PAWR: variants seen among roughly 807,000 people sequenced by gnomAD.
PAWR encodes pro-apoptotic WT1 regulator.
A neutral mutation model predicts 32.0 loss-of-function variants in PAWR; 23 were observed. The ratio of observed to expected loss-of-function variants is 0.72; its 90% CI spans 0.52 to 1.02. The LOEUF (loss-of-function observed/expected upper bound fraction) is 1.02, where lower values mean the gene tolerates loss of function less well. PAWR is among the 50% of genes least tolerant of loss of function. PAWR has a pLI of 0.00. For synonymous variants in PAWR, 226 were observed against 187.1 expected (o/e 1.21, Z -1.70); for missense variants, 457 against 437.7 (o/e 1.04, Z -0.39).
chr12:79,671,955 C>T (rs143234862), intron 2 of PAWR, among the ~76,000 whole-genome samples: 6 of 152,264 alleles, frequency 3.9e-5, no homozygotes, highest in African/African-American at 9.6e-5. Flanking sequence ...TTTTACTGCA[C>T]GAATAGCAGT....
intron 2 of PAWR, among the ~76,000 whole-genome samples, chr12:79,662,120 G>A (rs1055740607): frequency 4.7e-5 from 7 of 147,908 alleles, no homozygotes; most frequent in Non-Finnish European, 7.4e-5. Context: ...TGTGGTCACA[G>A]CTACTTCAGA....
intron 2 of PAWR, among the ~76,000 whole-genome samples, chr12:79,681,205 T>C (rs1041903309): frequency 2.6e-5 from 4 of 151,892 alleles, no homozygotes; most frequent in Non-Finnish European, 5.9e-5. Flanking sequence ...AGACTATTTA[T>C]GGGCTAATCA....
chr12:79,625,042 T>G (rs990896678), intron 2 of PAWR, among the ~76,000 whole-genome samples: 1 of 152,132 alleles, frequency 6.6e-6, no homozygotes, highest in Admixed American at 6.5e-5. Flanking sequence ...TCCTTCAGTA[T>G]GACATTACCT....
At chr12:79,635,901 G>T (rs371620707) in intron 2 of PAWR, among the ~76,000 whole-genome samples, 18 of 152,182 alleles carry the variant, frequency 1.2e-4, no homozygotes, top group Middle Eastern at 6.8e-3. Flanking sequence ...ATAAATGTTT[G>T]CTGAACTAAA....
intron 2 of PAWR, among the ~76,000 whole-genome samples, chr12:79,684,478 G>T (rs920656930): frequency 6.6e-6 from 1 of 151,998 alleles, no homozygotes; most frequent in Non-Finnish European, 1.5e-5. Flanking sequence ...AGGCATGGTG[G>T]TGCACACCTG....
chr12:79,649,366 T>C (rs1310093327), intron 2 of PAWR, among the ~76,000 whole-genome samples: 2 of 152,154 alleles, frequency 1.3e-5, no homozygotes, highest in Non-Finnish European at 2.9e-5. Context: ...TTATATATAA[T>C]ATACCATAGG....
At position 79,690,202 on chromosome 12, in the gene PAWR, TGCC is replaced by T; in HGVS notation, c.40_42del (p.Gly14del). The T allele has an allele frequency of 2.0e-6, 3 of 1,531,288 alleles. No individual in the cohort carries two copies. Among genetic ancestry groups the T allele is most frequent in the Non-Finnish European group, 2.6e-6 (3 of 1,143,130 alleles). 94.9% of individuals were successfully genotyped at this position (1,531,288 alleles called of 1,614,324 possible). On this transcript the variant is annotated inframe_deletion, in exon 2 of 7. Coordinates refer to ENST00000328827, the MANE Select transcript of PAWR (RefSeq NM_002583.4). ...CACTCCTCCAGGAAGTCTGTGGTGC[TGCC>T]GCCGAGGCCGCTGCTGGTCCGGTAG... is the stretch of plus-strand genomic sequence containing the variant.
intron 2 of PAWR, among the ~76,000 whole-genome samples, chr12:79,626,497 G>A (rs1875328397): frequency 6.6e-6 from 1 of 151,078 alleles, no homozygotes; most frequent in South Asian, 2.1e-4. Flanking sequence ...CAGACCTCGT[G>A]ATCCACCCCC....
chr12:79,607,901 T>C (rs190351045), intron 4 of PAWR, among the ~76,000 whole-genome samples: 224 of 151,874 alleles, frequency 1.5e-3, no homozygotes, highest in Non-Finnish European at 2.6e-3. Context: ...AATACAAAAT[T>C]AACCGGGCAT....
chr12:79,646,859 T>A (rs371888709), intron 2 of PAWR, among the ~76,000 whole-genome samples: 2 of 152,258 alleles, frequency 1.3e-5, no homozygotes, highest in East Asian at 3.9e-4. Flanking sequence ...AAGGCAAAGT[T>A]TGTAAACTAT....
Position 79,585,181 on chromosome 12 carries a change from A to G in PAWR, c.*7426T>C, listed in dbSNP as rs1440736188. 2.2e-6 allele frequency: 1 copy of G among 451,912 alleles called. No individual in the cohort carries two copies. The highest frequency in any genetic ancestry group is 4.4e-6 in the Non-Finnish European group (1 of 225,710). The allele number at this position is 451,912 out of a possible 1,614,324, so 28.0% of individuals were successfully genotyped here. On this transcript the variant is annotated 3_prime_UTR_variant, in exon 7 of 7. Coordinates refer to ENST00000328827, the MANE Select transcript of PAWR (RefSeq NM_002583.4). ...CAAAACAAAACAAAAACAAACAAAA[A>G]ACAAGTTCATGTTATTTCTACAATG... is the stretch of plus-strand genomic sequence containing the variant.
In PAWR at chr12:79,613,354, C is replaced by G. The variant is rs148102805; in HGVS notation, c.683+221G>C. Among the ~76,000 whole-genome samples the G allele has an allele frequency of 3.9e-3, 589 of 152,156 alleles. 6 individuals carry two copies. Among genetic ancestry groups the G allele is most frequent in the Non-Finnish European group, 6.2e-3 (421 of 68,016 alleles). On this transcript the variant is annotated intron_variant, in intron 4 of 6. Coordinates refer to ENST00000328827, the MANE Select transcript of PAWR (RefSeq NM_002583.4). The stretch of plus-strand genomic sequence containing the variant: ...ATTTATTTTGCAAAGTTCATCAGAC[C>G]CATGCAAATTCACAGTGAGTTTTCA...
At chr12:79,662,818 A>G (rs1383601781) in intron 2 of PAWR, among the ~76,000 whole-genome samples, 1 of 152,210 alleles carries the variant, frequency 6.6e-6, no homozygotes, top group East Asian at 1.9e-4. Flanking sequence ...GCATGTGAAG[A>G]TGGAGTAAGG....
chr12:79,635,713 T>C (rs1875930502), intron 2 of PAWR: 1 of 152,180 alleles, frequency 6.6e-6, no homozygotes, highest in Non-Finnish European at 1.5e-5. Flanking sequence ...CTATTCATAT[T>C]TGTGTCACCA....
At chr12:79,637,832 CATTCTT>C (rs1300669200) in intron 2 of PAWR, among the ~76,000 whole-genome samples, 1 of 151,954 alleles carries the variant, frequency 6.6e-6, no homozygotes, top group African/African-American at 2.4e-5. Flanking sequence ...AAAGAAAAAT[CATTCTT>C]AATCTTAACC....
intron 2 of PAWR, among the ~76,000 whole-genome samples, chr12:79,678,240 TGA>T (rs545111863): frequency 1.5e-4 from 23 of 152,328 alleles, no homozygotes; most frequent in South Asian, 6.2e-4. Context: ...CCAAAACCTG[TGA>T]GAGTTGTTGC....
intron 2 of PAWR, among the ~76,000 whole-genome samples, chr12:79,684,534 C>T (rs908093482): frequency 1.3e-5 from 2 of 151,876 alleles, no homozygotes; most frequent in African/African-American, 4.8e-5. Context: ...TTGCTTGAAC[C>T]CGGGAGGTGG....
intron 5 of PAWR, among the ~76,000 whole-genome samples, chr12:79,595,241 T>G (rs979819389): frequency 2.0e-5 from 3 of 152,198 alleles, no homozygotes; most frequent in African/African-American, 7.2e-5. Flanking sequence ...TAAAATAGAT[T>G]ACTGATTTTT....
chr12:79,658,356 T>C (rs1173240494), intron 2 of PAWR, among the ~76,000 whole-genome samples: 1 of 152,208 alleles, frequency 6.6e-6, no homozygotes, highest in African/African-American at 2.4e-5. Context: ...TAGAGGTCTA[T>C]CATCCCATCT....
Sources: gnomAD v4.1 joint callset for allele counts (sites outside exome capture counted in the v4.1 genomes callset) on GRCh38, gnomAD v4.1.1 for gene constraint, MANE v1.5 for transcripts, NCBI Gene and HGNC (gene_info 2026-07-23, HGNC 2026-07-21) for gene names.